The following TDRD10 variants were observed in gnomAD, a reference collection of about 807,000 sequenced individuals.
The protein encoded by TDRD10 is tudor domain-containing protein 10.
TDRD10 carries 40 observed loss-of-function variants against 48.0 expected under a neutral mutation model. That is an observed-to-expected ratio of 0.83 (90% confidence interval 0.65 to 1.09). The LOEUF is 1.09. Among genes scored for constraint, TDRD10 ranks in the 50% least tolerant of loss-of-function variants. The probability of loss-of-function intolerance (pLI) is 0.00; values close to 1 mark genes in which losing one functional copy is unlikely to be tolerated. For synonymous variants in TDRD10, 162 were observed against 170.4 expected (o/e 0.95, Z 0.38); for missense variants, 378 against 434.7 (o/e 0.87, Z 1.16).
chr1:154,540,276 A>G (rs1377792229), intron 6 of TDRD10, among the ~76,000 whole-genome samples: 1 of 152,004 alleles, frequency 6.6e-6, no homozygotes, highest in Non-Finnish European at 1.5e-5. Context: ...AAAAATGTTC[A>G]TGGGCTCGGG....
chr1:154,529,101 C>T (rs1013146659), intron 6 of TDRD10, among the ~76,000 whole-genome samples: 5 of 151,288 alleles, frequency 3.3e-5, no homozygotes, highest in African/African-American at 4.9e-5. Context: ...TTTTTTGAGA[C>T]GGAGTTTTGC....
At position 154,520,357 on chromosome 1, in the gene TDRD10, C is replaced by T. The variant is rs755473030; in HGVS notation, c.195C>T (p.Ile65=). The T allele has an allele frequency of 3.1e-6, 5 of 1,613,680 alleles. No individual in the cohort carries two copies. Among genetic ancestry groups the T allele is most frequent in the Middle Eastern group, 1.7e-4 (1 of 6,060 alleles). Residue 65 remains isoleucine, a synonymous_variant, in exon 5 of 13, where the codon ATC becomes ATT. Transcript: ENST00000368482. ...TCAACCCTCTTGATGTCCACAAAAT[C>T]CAGAATGGCTGCAAATGGTAATGAC... ...KDFNPLDVHK[I]QNGCKCFAFV...
In TDRD10 at chr1:154,543,978, G is replaced by T; in HGVS notation, c.519G>T (p.Val173=). 6.2e-7 allele frequency: 1 copy of T among 1,614,140 alleles called. No homozygotes were observed. Among genetic ancestry groups the T allele is most frequent in the Non-Finnish European group, 8.5e-7 (1 of 1,180,004 alleles). The change falls in exon 9 of 13, where the codon GTG becomes GTT. Residue 173 remains valine, a synonymous_variant. Transcript: ENST00000368482. ...CTTCCCGCAGAGGGTCCTTCCTGGT[G>T]CTGCTCCTGAGGGAATGCTTCCGAG... is the stretch of plus-strand genomic sequence containing the variant. ...VPLEMRGSFL[V]LLLRECFRDL...
At chr1:154,545,056 A>C in intron 11 of TDRD10, 107 bp downstream of exon 11, 2 of 1,441,324 alleles carry the variant, frequency 1.4e-6, no homozygotes, top group Non-Finnish European at 1.9e-6. Flanking sequence ...AAGGTGCTTC[A>C]GTCTCTCTTT....
intron 4 of TDRD10, among the ~76,000 whole-genome samples, chr1:154,508,720 T>A (rs905246001): frequency 3.3e-5 from 5 of 152,234 alleles, no homozygotes; most frequent in Admixed American, 6.5e-5. Context: ...TTTATCCCTG[T>A]ATACCTGGAT....
chr1:154,509,043 A>G (rs1389285070), intron 4 of TDRD10, among the ~76,000 whole-genome samples: 1 of 152,024 alleles, frequency 6.6e-6, no homozygotes, highest in Non-Finnish European at 1.5e-5. Flanking sequence ...TATTCGAAAT[A>G]CAGATGAAAG....
At chr1:154,515,772 T>G (rs1413244036) in intron 4 of TDRD10, among the ~76,000 whole-genome samples, 2 of 152,204 alleles carry the variant, frequency 1.3e-5, no homozygotes, top group Non-Finnish European at 2.9e-5. Flanking sequence ...TGGAGTACAA[T>G]GGCATGATCT....
intron 6 of TDRD10, among the ~76,000 whole-genome samples, chr1:154,525,624 T>C (rs1300313047): frequency 6.6e-6 from 1 of 152,188 alleles, no homozygotes; most frequent in Non-Finnish European, 1.5e-5. Context: ...CCAGGCACGG[T>C]GGCTAACACC....
At chr1:154,536,258 C>T (rs1694914253) in intron 6 of TDRD10, among the ~76,000 whole-genome samples, 1 of 152,144 alleles carries the variant, frequency 6.6e-6, no homozygotes, top group Admixed American at 6.5e-5. Flanking sequence ...TGCCTGTAAT[C>T]CTAGCTACTC....
At chr1:154,516,118 C>T (rs1693751653) in intron 4 of TDRD10, among the ~76,000 whole-genome samples, 1 of 152,164 alleles carries the variant, frequency 6.6e-6, no homozygotes, top group Admixed American at 6.5e-5. Flanking sequence ...ACAGAGTGGG[C>T]ACCTAATAAG....
chr1:154,515,995 G>A (rs1245540530), intron 4 of TDRD10, among the ~76,000 whole-genome samples: 3 of 152,192 alleles, frequency 2.0e-5, no homozygotes, highest in Non-Finnish European at 4.4e-5. Context: ...GGGATTACAG[G>A]CATGAGGCAC....
chr1:154,547,515 T>C, intron 12 of TDRD10, 36 bp downstream of exon 12: 2 of 1,614,246 alleles, frequency 1.2e-6, no homozygotes, highest in Non-Finnish European at 1.7e-6. Flanking sequence ...CTGTTGTCCC[T>C]CCACTCCTGC....
In TDRD10 at chr1:154,506,862, C is replaced by G; in HGVS notation, c.-27-15C>G. 2 of 1,609,524 alleles carry G rather than the reference C, an allele frequency of 1.2e-6. No homozygotes were observed. Among genetic ancestry groups the G allele is most frequent in the Non-Finnish European group, 1.7e-6 (2 of 1,175,860 alleles). ...ATCCTGGCATTCCTCTAACTGTGGC[C>G]GGTTGGTTTTGTAGGAGATCCTGTT... On this transcript the variant is annotated splice_polypyrimidine_tract_variant and intron_variant, in intron 1 of 12. Transcript: ENST00000368482.
At position 154,544,445 on chromosome 1, in the gene TDRD10, G is replaced by T. The variant is rs1328749322; in HGVS notation, c.725G>T (p.Gly242Val). The T allele has an allele frequency of 2.5e-6, 4 of 1,612,018 alleles. No homozygotes were observed. Among genetic ancestry groups the T allele is most frequent in the Middle Eastern group, 3.3e-4 (2 of 6,058 alleles). Residue 242 changes from glycine (G) to valine (V), a missense_variant, in exon 10 of 13, where the codon GGC becomes GTC. By Grantham distance (109) the Gly-to-Val change is moderately radical. This residue lies in a region of TDRD10 where 310 missense variants were observed against 323.6 expected (regional missense o/e 0.96). Coordinates refer to ENST00000368482, the MANE Select transcript of TDRD10 (RefSeq NM_182499.4). ...QAEEQQPYLE[G>V]STVMRGTRCL... ...GAGGAGCAGCAGCCCTACCTGGAGG[G>T]CTCCACCGTTATGCGCGGGACTCGC...
chr1:154,533,709 C>A (rs960527037), intron 6 of TDRD10, among the ~76,000 whole-genome samples: 11 of 151,824 alleles, frequency 7.2e-5, no homozygotes, highest in Non-Finnish European at 1.2e-4. Context: ...GTGATCTGAA[C>A]TTACTGCAGC....
chr1:154,518,497 G>A (rs925133050), intron 4 of TDRD10, among the ~76,000 whole-genome samples: 5 of 151,922 alleles, frequency 3.3e-5, no homozygotes, highest in Non-Finnish European at 5.9e-5. Flanking sequence ...GTGCGATCTC[G>A]GTTCACTGCA....
intron 6 of TDRD10, among the ~76,000 whole-genome samples, chr1:154,531,031 G>A (rs759378262): frequency 4.1e-4 from 62 of 151,768 alleles, no homozygotes; most frequent in Non-Finnish European, 7.2e-4. Flanking sequence ...AGTAGAGATG[G>A]GGTTTCACCA....
intron 4 of TDRD10, among the ~76,000 whole-genome samples, chr1:154,509,611 A>G (rs761204925): frequency 1.1e-4 from 16 of 152,200 alleles, no homozygotes; most frequent in Admixed American, 2.6e-4. Context: ...AAGATATGGA[A>G]ATAACTCACC....
intron 1 of TDRD10, among the ~76,000 whole-genome samples, chr1:154,506,141 G>T (rs1167489305): frequency 6.6e-6 from 1 of 152,106 alleles, no homozygotes. Context: ...TTATCCCATA[G>T]CTCTGTAAGT....
Sources: gnomAD v4.1 joint callset for allele counts (sites outside exome capture counted in the v4.1 genomes callset) on GRCh38, gnomAD v4.1.1 for gene constraint, gnomAD v4.1.1 regional missense constraint, MANE v1.5 for transcripts, NCBI Gene and HGNC (gene_info 2026-07-23, HGNC 2026-07-21) for gene names.